Variants in EFCAB11 observed in about 807,000 individuals in gnomAD.
EFCAB11 encodes the protein EF-hand calcium-binding domain-containing protein 11.
A neutral mutation model predicts 23.0 loss-of-function variants in EFCAB11; 14 were observed. That is an observed-to-expected ratio of 0.61 (90% CI 0.40 to 0.95). The LOEUF (loss-of-function observed/expected upper bound fraction) is 0.95, where lower values mean the gene tolerates loss of function less well. Ranked by LOEUF, EFCAB11 falls within the 40% of genes least tolerant of loss-of-function variation. The pLI, the probability that EFCAB11 is intolerant of heterozygous loss-of-function variation, is 0.00. For missense variants in EFCAB11, 198 were observed against 195.8 expected, an observed-to-expected ratio of 1.01 and a Z score of -0.07; for synonymous variants, 65 against 66.6, an observed-to-expected ratio of 0.98 and a Z score of 0.11.
rs139454836 is a variant in EFCAB11, at chr14:89,843,936, G to A, written c.411-46612C>T. ...CTCAAATTCTAAATTTCACTTGAAA[G>A]CTTGAATTTTATCATTGGCAACAAA... On this transcript the variant is annotated intron_variant, in intron 5 of 5. Coordinates refer to ENST00000316738, the MANE Select transcript of EFCAB11 (RefSeq NM_145231.4). Among the ~76,000 whole-genome samples, 27 of 152,300 alleles carry A rather than the reference G, an allele frequency of 1.8e-4. 1 individual carries two copies. In the East Asian group the frequency reaches 4.0e-3, roughly 23 times the overall value.
chr14:89,825,955 C>T (rs978524568), intron 5 of EFCAB11, among the ~76,000 whole-genome samples: 9 of 152,054 alleles, frequency 5.9e-5, no homozygotes, highest in African/African-American at 2.2e-4. Context: ...AATCATTGAT[C>T]ATCTACTATG....
chr14:89,827,719 C>T (rs1477952195), intron 5 of EFCAB11, among the ~76,000 whole-genome samples: 2 of 150,698 alleles, frequency 1.3e-5, no homozygotes, highest in South Asian at 4.2e-4. Flanking sequence ...TTGTACCCTC[C>T]GCCTCCCGGG....
intron 2 of EFCAB11, 95 bp downstream of exon 2, chr14:89,953,810 AT>A: frequency 9.9e-7 from 1 of 1,009,416 alleles, no homozygotes; most frequent in South Asian, 1.5e-5. Flanking sequence ...TTATAAAGCA[AT>A]TTATAAACAT....
At chr14:89,886,505 G>C (rs563687025) in intron 5 of EFCAB11, among the ~76,000 whole-genome samples, 1 of 107,686 alleles carries the variant, frequency 9.3e-6, no homozygotes, top group Non-Finnish European at 1.7e-5. Context: ...GCAACAGAGC[G>C]AAACTCCGTC....
At chr14:89,840,505 C>T (rs2140126661) in intron 5 of EFCAB11, among the ~76,000 whole-genome samples, 1 of 152,284 alleles carries the variant, frequency 6.6e-6, no homozygotes, top group South Asian at 2.1e-4. Context: ...CAGTAATGAC[C>T]ATTGAGGAAC....
At chr14:89,838,357 G>A (rs1157399483) in intron 5 of EFCAB11, among the ~76,000 whole-genome samples, 1 of 151,674 alleles carries the variant, frequency 6.6e-6, no homozygotes, top group Non-Finnish European at 1.5e-5. Flanking sequence ...ATAATTAGCA[G>A]GATTGACAGA....
intron 5 of EFCAB11, among the ~76,000 whole-genome samples, chr14:89,918,040 C>G (rs1205497153): frequency 2.6e-5 from 4 of 152,064 alleles, no homozygotes; most frequent in African/African-American, 4.8e-5. Flanking sequence ...AGAAAAAGGA[C>G]AGGGGACAAC....
intron 5 of EFCAB11, among the ~76,000 whole-genome samples, chr14:89,827,628 CTT>C (rs36007256): frequency 5.7e-5 from 6 of 105,118 alleles, no homozygotes; most frequent in African/African-American, 7.3e-5. Context: ...TTTATTCACT[CTT>C]TTTTTTTTTT....
At chr14:89,897,470 T>C (rs1168205724) in intron 5 of EFCAB11, among the ~76,000 whole-genome samples, 1 of 152,158 alleles carries the variant, frequency 6.6e-6, no homozygotes, top group African/African-American at 2.4e-5. Flanking sequence ...CCTCCCAAAG[T>C]GCTGGTATTA....
At chr14:89,903,717 T>C (rs1889406700) in intron 5 of EFCAB11, among the ~76,000 whole-genome samples, 1 of 152,188 alleles carries the variant, frequency 6.6e-6, no homozygotes, top group Non-Finnish European at 1.5e-5. Flanking sequence ...AACAGAACTA[T>C]GGTATCAGGG....
chr14:89,920,479 C>T (rs1889988523), intron 5 of EFCAB11, among the ~76,000 whole-genome samples: 1 of 152,194 alleles, frequency 6.6e-6, no homozygotes, highest in Non-Finnish European at 1.5e-5. Flanking sequence ...GCTGGAAAGG[C>T]AGCCTCCTTC....
chr14:89,799,577 G>C (rs1449492716), intron 5 of EFCAB11: 1 of 152,130 alleles, frequency 6.6e-6, no homozygotes, highest in Non-Finnish European at 1.5e-5. Flanking sequence ...CAACCCTAAC[G>C]TGAGTTTGCT....
chr14:89,941,930 T>A (rs1890809223), intron 3 of EFCAB11, among the ~76,000 whole-genome samples: 2 of 152,142 alleles, frequency 1.3e-5, no homozygotes, highest in Admixed American at 1.3e-4. Context: ...TCTCGAATTG[T>A]AATCCCTGTC....
At chr14:89,842,831 A>G (rs903591291) in intron 5 of EFCAB11, among the ~76,000 whole-genome samples, 1 of 151,940 alleles carries the variant, frequency 6.6e-6, no homozygotes, top group Non-Finnish European at 1.5e-5. Flanking sequence ...TGGAGCCATG[A>G]TCTCTTCCAT....
At chr14:89,892,011 A>C (rs1888986146) in intron 5 of EFCAB11, 9 of 1,521,480 alleles carry the variant, frequency 5.9e-6, no homozygotes, top group Non-Finnish European at 8.0e-6. Flanking sequence ...GCGGGCCACG[A>C]GCGCTTCAGC....
rs900248129 is a variant in EFCAB11, at chr14:89,918,978, C to A, written c.410+12563G>T. 2.7e-5 allele frequency among the ~76,000 whole-genome samples: 4 copies of A among 150,748 alleles called. No individual in the cohort carries two copies. The East Asian group carries it at 7.7e-4, about 29-fold the overall frequency. Reference sequence around the variant, plus strand: ...ATCTCTGCATGAAATGGAAGGCATTCTGGAATGACACAGGACCAGGGTGGG... The same window carrying A: ...ATCTCTGCATGAAATGGAAGGCATTATGGAATGACACAGGACCAGGGTGGG... On this transcript the variant is annotated intron_variant, in intron 5 of 5. Coordinates refer to ENST00000316738, the MANE Select transcript of EFCAB11 (RefSeq NM_145231.4).
chr14:89,927,866 C>T (rs138725457), intron 5 of EFCAB11, among the ~76,000 whole-genome samples: 12,021 of 152,060 alleles, frequency 0.079, 725 homozygotes, highest in South Asian at 0.21. Flanking sequence ...GGATTACAGG[C>T]GCCCACCACC....
At chr14:89,806,056 C>A (rs1885958672) in intron 5 of EFCAB11, among the ~76,000 whole-genome samples, 1 of 152,110 alleles carries the variant, frequency 6.6e-6, no homozygotes. Context: ...ATTCTTAATG[C>A]ACTGAAGAGG....
rs910265501 is a variant in EFCAB11, at chr14:89,912,180, G to A, written c.410+19361C>T. Among the ~76,000 whole-genome samples, 5 of 152,094 alleles carry A rather than the reference G, an allele frequency of 3.3e-5. No homozygotes were observed. In the East Asian group the frequency reaches 5.8e-4, roughly 18 times the overall value. On this transcript the variant is annotated intron_variant, in intron 5 of 5. Coordinates refer to ENST00000316738, the MANE Select transcript of EFCAB11 (RefSeq NM_145231.4). Reference sequence around the variant, plus strand: ...ACTATGAACTATGTGGGTTAAAACTGAGGTAAAATGGTTTCATTGAAAAAA... The same window carrying A: ...ACTATGAACTATGTGGGTTAAAACTAAGGTAAAATGGTTTCATTGAAAAAA...
Sources: gnomAD v4.1 joint callset for allele counts (sites outside exome capture counted in the v4.1 genomes callset) on GRCh38, gnomAD v4.1.1 for gene constraint, MANE v1.5 for transcripts, NCBI Gene and HGNC (gene_info 2026-07-23, HGNC 2026-07-21) for gene names.